The following EEA1 variants were observed in gnomAD, a reference collection of about 807,000 sequenced individuals.
The protein encoded by EEA1 is early endosome antigen 1, also known as early endosome antigen 1, 162kD.
EEA1 carries 111 observed loss-of-function variants against 209.2 expected under a neutral mutation model. The ratio of observed to expected loss-of-function variants is 0.53; its 90% confidence interval spans 0.45 to 0.62. EEA1 has a LOEUF of 0.62. EEA1 is among the 20% of genes least tolerant of loss of function. The pLI is 0.00. For missense variants in EEA1, 1,343 were observed against 1,530.8 expected (o/e 0.88, Z 2.05); for synonymous variants, 536 against 540.6 (o/e 0.99, Z 0.12).
At chr12:92,891,199 TATA>T (rs1253810069) in intron 2 of EEA1, among the ~76,000 whole-genome samples, 2 of 152,030 alleles carry the variant, frequency 1.3e-5, no homozygotes, top group Non-Finnish European at 2.9e-5. Flanking sequence ...TTATATTTAA[TATA>T]ATGTCTTTAA....
chr12:92,898,971 C>A (rs2251254), intron 1 of EEA1, among the ~76,000 whole-genome samples: 41 of 144,500 alleles, frequency 2.8e-4, no homozygotes, highest in African/African-American at 2.0e-4. Flanking sequence ...AAAAAAAAAA[C>A]CACAAACATT....
chr12:92,926,734 C>T (rs190550888), intron 1 of EEA1, among the ~76,000 whole-genome samples: 5 of 152,314 alleles, frequency 3.3e-5, no homozygotes, highest in Admixed American at 1.3e-4. Flanking sequence ...GTACTACCTG[C>T]GCCTTTTATG....
intron 11 of EEA1, among the ~76,000 whole-genome samples, chr12:92,831,593 A>G (rs554604623): frequency 5.6e-4 from 82 of 147,106 alleles, no homozygotes; most frequent in Non-Finnish European, 1.1e-3. Flanking sequence ...TATAAAATAT[A>G]TATTTCATAA....
intron 25 of EEA1, among the ~76,000 whole-genome samples, chr12:92,778,873 CA>C (rs1379613379): frequency 6.6e-6 from 1 of 151,804 alleles, no homozygotes; most frequent in Admixed American, 6.6e-5. Flanking sequence ...ACTTAAAAAA[CA>C]AAAAAAATTT....
chr12:92,850,584 G>A (rs1334205746), intron 9 of EEA1, among the ~76,000 whole-genome samples: 1 of 151,144 alleles, frequency 6.6e-6, no homozygotes, highest in East Asian at 1.9e-4. Context: ...CAGCTACTTG[G>A]GAGGCTGAGG....
intron 14 of EEA1, 129 bp from the exon 15 acceptor site, chr12:92,816,529 A>C (rs1311156654): frequency 1.3e-6 from 1 of 754,090 alleles, no homozygotes; most frequent in Non-Finnish European, 2.1e-6. Context: ...TTCAAGTAAA[A>C]TTATTCACTT....
At chr12:92,820,274 GAT>G (rs1180797449) in intron 13 of EEA1, among the ~76,000 whole-genome samples, 1 of 151,998 alleles carries the variant, frequency 6.6e-6, no homozygotes, top group Non-Finnish European at 1.5e-5. Context: ...CTCTTCCATC[GAT>G]ATAGCAAGAG....
chr12:92,826,815 T>TA (rs1201766313), intron 12 of EEA1, among the ~76,000 whole-genome samples: 2 of 152,216 alleles, frequency 1.3e-5, no homozygotes, highest in Non-Finnish European at 2.9e-5. Context: ...AGGCTTATCC[T>TA]AAAAAAACTT....
intron 5 of EEA1, among the ~76,000 whole-genome samples, chr12:92,855,393 C>G (rs759817974): frequency 4.1e-5 from 6 of 148,110 alleles, no homozygotes; most frequent in Non-Finnish European, 8.9e-5. Context: ...TCGCGCGCCA[C>G]TGCACTCCAG....
intron 18 of EEA1, 115 bp downstream of exon 18, chr12:92,808,897 CAAAAT>C: frequency 1.2e-6 from 1 of 813,532 alleles, no homozygotes; most frequent in Non-Finnish European, 1.7e-6. Context: ...AAAATCAACA[CAAAAT>C]AAATATCTAA....
At chr12:92,821,731 TCTTA>T (rs1049176031) in intron 13 of EEA1, among the ~76,000 whole-genome samples, 22 of 151,912 alleles carry the variant, frequency 1.4e-4, no homozygotes, top group Non-Finnish European at 2.5e-4. Context: ...GATTTTCAGC[TCTTA>T]CTATCTCCAA....
At chr12:92,849,627 T>C (rs910019604) in intron 9 of EEA1, among the ~76,000 whole-genome samples, 28 of 152,336 alleles carry the variant, frequency 1.8e-4, no homozygotes, top group African/African-American at 5.5e-4. Flanking sequence ...GAGAGTGTAG[T>C]GTTAGGCATC....
rs1307439843 is a variant in EEA1, at chr12:92,820,773, A to C, written c.1525-1262T>G. The stretch of plus-strand genomic sequence containing the variant: ...GCTTAAAGTATATATATATATATAT[A>C]TACACACACACACACATATATATAT... On this transcript the variant is annotated intron_variant, in intron 13 of 28. Coordinates refer to ENST00000322349, the MANE Select transcript of EEA1 (RefSeq NM_003566.4). Among the ~76,000 whole-genome samples the C allele has an allele frequency of 2.6e-5, 4 of 151,608 alleles. No homozygotes were observed. The East Asian group carries it at 7.7e-4, about 29-fold the overall frequency.
In EEA1 at chr12:92,924,854, A is replaced by C. The variant is rs1485363900; in HGVS notation, c.24+4189T>G. ...TCCTAACATGCTAAAAAAAAAAAAA[A>C]AAAAAAAAAAAACTACTCAAAAAGA... On this transcript the variant is annotated intron_variant, in intron 1 of 28. Coordinates refer to ENST00000322349, the MANE Select transcript of EEA1 (RefSeq NM_003566.4). Among the ~76,000 whole-genome samples the C allele has an allele frequency of 7.3e-5, 11 of 151,102 alleles. 1 individual carries two copies. The highest frequency in any genetic ancestry group is 1.4e-4 in the African/African-American group (6 of 41,402).
intron 1 of EEA1, among the ~76,000 whole-genome samples, chr12:92,928,672 C>T (rs976994679): frequency 5.3e-5 from 8 of 152,272 alleles, no homozygotes; most frequent in Middle Eastern, 3.4e-3. Context: ...CGTTCTCCAG[C>T]CCGGCAGGCG....
intron 5 of EEA1, among the ~76,000 whole-genome samples, chr12:92,856,217 CTA>C (rs1211819226): frequency 2.6e-5 from 4 of 152,118 alleles, no homozygotes; most frequent in African/African-American, 4.8e-5. Context: ...CAAATGATGA[CTA>C]TGGTAAAATT....
At chr12:92,859,893 G>A (rs1878059472) in intron 3 of EEA1, among the ~76,000 whole-genome samples, 1 of 152,092 alleles carries the variant, frequency 6.6e-6, no homozygotes, top group Admixed American at 6.6e-5. Flanking sequence ...TTCTAATTAT[G>A]AGCTCTTTGT....
chr12:92,856,767 C>CTTTTTT (rs57579359), intron 5 of EEA1, among the ~76,000 whole-genome samples: 23 of 86,674 alleles, frequency 2.7e-4, no homozygotes, highest in South Asian at 4.4e-4. Context: ...ATACCTGATT[C>CTTTTTT]TTTTTTTTTT....
chr12:92,870,745 C>T (rs1010338077), intron 2 of EEA1, among the ~76,000 whole-genome samples: 6 of 151,800 alleles, frequency 4.0e-5, no homozygotes, highest in South Asian at 2.1e-4. Context: ...GGCATGATCT[C>T]GGCTCACTAC....
Sources: gnomAD v4.1 joint callset for allele counts (sites outside exome capture counted in the v4.1 genomes callset) on GRCh38, gnomAD v4.1.1 for gene constraint, MANE v1.5 for transcripts, NCBI Gene and HGNC (gene_info 2026-07-23, HGNC 2026-07-21) for gene names.